The following CCDC7 variants were observed in gnomAD, a reference collection of about 807,000 sequenced individuals.
CCDC7 encodes the protein coiled-coil domain-containing protein 7.
A neutral mutation model predicts 196.9 loss-of-function variants in CCDC7; 183 were observed. That is an observed-to-expected ratio of 0.93 (90% confidence interval 0.82 to 1.05). The LOEUF is 1.05. Among genes scored for constraint, CCDC7 ranks in the 50% least tolerant of loss-of-function variants. The pLI is 0.00. For synonymous variants in CCDC7, 525 were observed against 484.6 expected (o/e 1.08, Z -1.10); for missense variants, 1,540 against 1,482.2 (o/e 1.04, Z -0.64).
chr10:32,679,670 A>G (rs1469137474), intron 21 of CCDC7, among the ~76,000 whole-genome samples: 1 of 152,168 alleles, frequency 6.6e-6, no homozygotes, highest in African/African-American at 2.4e-5. Context: ...CTTTGTAATA[A>G]TGCTTTAGAG....
chr10:32,687,490 C>T (rs2076592486), intron 22 of CCDC7, among the ~76,000 whole-genome samples: 1 of 151,978 alleles, frequency 6.6e-6, no homozygotes, highest in Non-Finnish European at 1.5e-5. Flanking sequence ...TTGTAGTGGC[C>T]CAGTGGGACC....
At chr10:32,674,688 C>G (rs908253563) in intron 21 of CCDC7, among the ~76,000 whole-genome samples, 2 of 151,998 alleles carry the variant, frequency 1.3e-5, no homozygotes, top group Non-Finnish European at 2.9e-5. Context: ...ATTGAAGTCT[C>G]TCTCTTCATA....
At chr10:32,446,129 G>A (rs899865792), upstream of CCDC7, 1 of 152,174 alleles carries the variant, frequency 6.6e-6, no homozygotes, top group African/African-American at 2.4e-5. Flanking sequence ...GGGCGCCTGG[G>A]ACGTGGCTTC....
intron 11 of CCDC7, among the ~76,000 whole-genome samples, chr10:32,537,805 G>C (rs2050766716): frequency 6.6e-6 from 1 of 151,954 alleles, no homozygotes; most frequent in Admixed American, 6.6e-5. Context: ...ATAGTTTTAG[G>C]TGTGCAGCCT....
At chr10:32,628,725 G>T (rs1332637763) in intron 18 of CCDC7, among the ~76,000 whole-genome samples, 3 of 151,850 alleles carry the variant, frequency 2.0e-5, no homozygotes, top group African/African-American at 7.3e-5. Flanking sequence ...TTGTCTCATT[G>T]TATGTTTTAA....
rs576211439 is a variant in CCDC7, at chr10:32,756,457, A to G, written c.2906-22520A>G. 1.5e-3 allele frequency among the ~76,000 whole-genome samples: 234 copies of G among 152,192 alleles called. 3 individuals carry two copies. Among genetic ancestry groups the G allele is most frequent in the African/African-American group, 5.4e-3 (223 of 41,552 alleles). ...AAGAGAGTGGGGGCCAATATTCAAC[A>G]TTCTTAAAGAATTTTCAACCCAGAA... On this transcript the variant is annotated intron_variant, in intron 28 of 41. Transcript: ENST00000639629.
At chr10:32,650,734 C>G (rs2068602255) in intron 20 of CCDC7, among the ~76,000 whole-genome samples, 1 of 152,100 alleles carries the variant, frequency 6.6e-6, no homozygotes, top group African/African-American at 2.4e-5. Flanking sequence ...AGGCTACAGC[C>G]TGAGGGCTCT....
At chr10:32,547,650 A>C (rs965993028) in intron 13 of CCDC7, among the ~76,000 whole-genome samples, 4 of 152,200 alleles carry the variant, frequency 2.6e-5, no homozygotes, top group Non-Finnish European at 5.9e-5. Context: ...TATGGGATAC[A>C]TGAGATATTT....
intron 24 of CCDC7, among the ~76,000 whole-genome samples, chr10:32,701,718 A>AT (rs2078756036): frequency 6.6e-6 from 1 of 152,156 alleles, no homozygotes; most frequent in African/African-American, 2.4e-5. Context: ...CTATTCAGAG[A>AT]TTCAACTTCT....
chr10:32,769,829 C>A (rs1003368608), intron 28 of CCDC7, among the ~76,000 whole-genome samples: 1 of 152,204 alleles, frequency 6.6e-6, no homozygotes, highest in Non-Finnish European at 1.5e-5. Flanking sequence ...TTTATGTCTG[C>A]ATAGTATTCC....
chr10:32,869,139 GC>G lies in CCDC7; in HGVS notation c.4112-7206del, dbSNP rs2094327994. On this transcript the variant is annotated intron_variant, in intron 41 of 41. Transcript: ENST00000639629. The stretch of plus-strand genomic sequence containing the variant: ...TCTAGTTCTAGATCCCTGAGGAATT[GC>G]CACACTGACTTCCACAATGGTTGAA... Among the ~76,000 whole-genome samples the G allele has an allele frequency of 2.0e-5, 3 of 152,186 alleles. No individual in the cohort carries two copies. In the South Asian group the frequency reaches 6.2e-4, roughly 32 times the overall value.
intron 20 of CCDC7, among the ~76,000 whole-genome samples, chr10:32,642,921 T>G (rs778223489): frequency 6.6e-6 from 1 of 152,236 alleles, no homozygotes; most frequent in Non-Finnish European, 1.5e-5. Flanking sequence ...CAGCAGTAAA[T>G]GTAATGATGA....
intron 41 of CCDC7, among the ~76,000 whole-genome samples, chr10:32,859,006 C>G (rs1484398872): frequency 6.6e-6 from 1 of 152,112 alleles, no homozygotes; most frequent in Non-Finnish European, 1.5e-5. Context: ...TTAGACAGAT[C>G]AATAAGACAG....
intron 8 of CCDC7, among the ~76,000 whole-genome samples, chr10:32,477,862 T>G (rs2039295413): frequency 6.6e-6 from 1 of 152,188 alleles, no homozygotes; most frequent in South Asian, 2.1e-4. Context: ...AATTTGTTGG[T>G]ATCCAAAAAA....
At chr10:32,451,793 A>G (rs999937582) in exon 1 of CCDC7, 17 of 1,614,042 alleles carry the variant, frequency 1.1e-5, no homozygotes, top group Middle Eastern at 1.6e-4. Context: ...AATTGAACCA[A>G]TGGTCCTAAG....
chr10:32,453,088 G>A (rs1409446155), intron 1 of CCDC7, among the ~76,000 whole-genome samples: 1 of 152,110 alleles, frequency 6.6e-6, no homozygotes, highest in African/African-American at 2.4e-5. Context: ...TCCGTTTTAA[G>A]ATAGCTATCA....
At chr10:32,496,786 A>T (rs892791975) in intron 9 of CCDC7, among the ~76,000 whole-genome samples, 6 of 152,104 alleles carry the variant, frequency 3.9e-5, no homozygotes, top group Non-Finnish European at 5.9e-5. Flanking sequence ...TTCTGGATTC[A>T]GTTTATCAGT....
intron 13 of CCDC7, among the ~76,000 whole-genome samples, chr10:32,562,572 G>T (rs2055910616): frequency 6.6e-6 from 1 of 152,208 alleles, no homozygotes; most frequent in Non-Finnish European, 1.5e-5. Flanking sequence ...CTCAATAGAT[G>T]CAGGAAAGGC....
chr10:32,828,947 C>A (rs1001238632), intron 32 of CCDC7, among the ~76,000 whole-genome samples: 1 of 152,114 alleles, frequency 6.6e-6, no homozygotes, highest in African/African-American at 2.4e-5. Flanking sequence ...GGAGACACAA[C>A]AACAATTCAA....
Sources: allele counts gnomAD v4.1 joint callset (sites outside exome capture counted in the v4.1 genomes callset), GRCh38; gene constraint gnomAD v4.1.1; transcripts MANE v1.5; gene names NCBI Gene and HGNC (gene_info 2026-07-23, HGNC 2026-07-21).